Variants in PCDH11X observed in about 807,000 individuals in gnomAD.
PCDH11X encodes protocadherin-11 X-linked.
A neutral mutation model predicts 53.3 loss-of-function variants in PCDH11X; 18 were observed. The ratio of observed to expected loss-of-function variants is 0.34; its 90% CI spans 0.23 to 0.50. The LOEUF is 0.50. Among genes scored for constraint, PCDH11X ranks in the 20% least tolerant of loss-of-function variants. The pLI, the probability that PCDH11X is intolerant of heterozygous loss-of-function variation, is 0.98. For missense variants in PCDH11X, 570 were observed against 1,032.4 expected (o/e 0.55, Z 6.14); for synonymous variants, 279 against 393.3 (o/e 0.71, Z 3.44).
intron 9 of PCDH11X, among the ~76,000 whole-genome samples, chrX:92,395,927 T>C: frequency 9.6e-6 from 1 of 104,336 alleles, no homozygotes; most frequent in Non-Finnish European, 1.9e-5. Context: ...AGAACTTTTT[T>C]ATATGTGATG....
At chrX:91,816,275 C>T (rs1602276161) in intron 4 of PCDH11X, among the ~76,000 whole-genome samples, 1 of 110,983 alleles carries the variant, frequency 9.0e-6, no homozygotes, top group Non-Finnish European at 1.9e-5. Flanking sequence ...TTGTTTATTC[C>T]GTTCAAATAG....
chrX:92,359,223 T>A (rs1340852185), intron 8 of PCDH11X, among the ~76,000 whole-genome samples: 1 of 107,660 alleles, frequency 9.3e-6, no homozygotes, highest in African/African-American at 3.4e-5. Context: ...TGTGCAGAAG[T>A]GATTGGCTAT....
At chrX:92,467,258 CTT>C (rs2073173989) in intron 9 of PCDH11X, among the ~76,000 whole-genome samples, 1 of 111,428 alleles carries the variant, frequency 9.0e-6, no homozygotes, top group African/African-American at 3.2e-5. Flanking sequence ...GTACAATGCT[CTT>C]TTATTGATCC....
intron 6 of PCDH11X, among the ~76,000 whole-genome samples, chrX:91,967,274 C>T (rs765359380): frequency 9.1e-6 from 1 of 110,104 alleles, no homozygotes; most frequent in African/African-American, 3.3e-5. Flanking sequence ...GTCCCCAAAC[C>T]GTGGGCCATG....
intron 7 of PCDH11X, among the ~76,000 whole-genome samples, chrX:92,215,281 G>A (rs1015300165): frequency 1.8e-5 from 2 of 108,969 alleles, no homozygotes; most frequent in African/African-American, 6.7e-5. Context: ...AAGGGGTCAG[G>A]GAGTTCCCTT....
intron 10 of PCDH11X, among the ~76,000 whole-genome samples, chrX:92,579,434 T>G (rs1374058042): frequency 9.2e-6 from 1 of 108,467 alleles, no homozygotes; most frequent in African/African-American, 3.4e-5. Context: ...CTCAGAGGTT[T>G]TATTCATTCC....
At chrX:91,912,165 G>T (rs1264962353) in intron 6 of PCDH11X, among the ~76,000 whole-genome samples, 1 of 111,459 alleles carries the variant, frequency 9.0e-6, no homozygotes, top group Non-Finnish European at 1.9e-5. Context: ...CAGTTCAAAT[G>T]GTTTTTTTGC....
intron 6 of PCDH11X, among the ~76,000 whole-genome samples, chrX:91,946,558 C>CATATAT (rs766671132): frequency 1.2e-3 from 38 of 31,602 alleles, no homozygotes; most frequent in South Asian, 2.0e-3. Context: ...CTGTTTCCCT[C>CATATAT]ATATATATAT....
At position 92,157,476 on chromosome X, in the gene PCDH11X, A is replaced by G. The variant is rs752800853; in HGVS notation, c.3034-43899A>G. On this transcript the variant is annotated intron_variant, in intron 6 of 10. Transcript: ENST00000682573. The stretch of plus-strand genomic sequence containing the variant: ...TGGCAAAAGGATAGAACGATTAGTC[A>G]ATAAACCAAATAAAAATGACAGAGT... 2.7e-5 allele frequency among the ~76,000 whole-genome samples: 3 copies of G among 112,144 alleles called. No homozygotes were observed. In the South Asian group the frequency reaches 1.1e-3, roughly 41 times the overall value.
chrX:92,422,120 G>A (rs12844289), intron 9 of PCDH11X, among the ~76,000 whole-genome samples: 5 of 97,687 alleles, frequency 5.1e-5, no homozygotes, highest in East Asian at 3.4e-4. Flanking sequence ...AAATGAACCC[G>A]TAGAATTTCT....
chrX:92,482,595 T>A (rs916994791), intron 10 of PCDH11X, among the ~76,000 whole-genome samples: 3 of 112,063 alleles, frequency 2.7e-5, no homozygotes, highest in Non-Finnish European at 5.6e-5. Context: ...TTACCTTTAA[T>A]TAAGCTAACC....
At chrX:91,843,489 T>A (rs1403855379) in intron 5 of PCDH11X, among the ~76,000 whole-genome samples, 1 of 108,239 alleles carries the variant, frequency 9.2e-6, no homozygotes, top group Non-Finnish European at 1.9e-5. Context: ...TTGTTGTTGT[T>A]ATTGTATTTT....
intron 8 of PCDH11X, among the ~76,000 whole-genome samples, chrX:92,272,247 TC>T (rs2067976638): frequency 8.9e-6 from 1 of 112,036 alleles, no homozygotes; most frequent in Non-Finnish European, 1.9e-5. Flanking sequence ...GAAAAAGGAC[TC>T]TGATTTATAA....
At chrX:92,136,204 G>T (rs1007307745) in intron 6 of PCDH11X, among the ~76,000 whole-genome samples, 1 of 110,766 alleles carries the variant, frequency 9.0e-6, no homozygotes, top group Admixed American at 9.8e-5. Context: ...GCAAAGATTT[G>T]AAAGACTTGA....
intron 7 of PCDH11X, among the ~76,000 whole-genome samples, chrX:92,247,143 T>C (rs946802394): frequency 2.7e-5 from 3 of 111,991 alleles, no homozygotes; most frequent in African/African-American, 9.7e-5. Context: ...CCTTATCGCA[T>C]TCATTTTCTA....
intron 8 of PCDH11X, among the ~76,000 whole-genome samples, chrX:92,318,343 G>C (rs2069125409): frequency 9.0e-6 from 1 of 111,626 alleles, no homozygotes; most frequent in Non-Finnish European, 1.9e-5. Context: ...GTGTCAACCA[G>C]AAAAGTCTTG....
chrX:92,336,818 GT>G (rs901899556), intron 8 of PCDH11X, among the ~76,000 whole-genome samples: 9 of 109,813 alleles, frequency 8.2e-5, no homozygotes, highest in Non-Finnish European at 1.3e-4. Flanking sequence ...GTAACATAAG[GT>G]TTTTTTTTAA....
chrX:91,876,668 G>T, intron 5 of PCDH11X, 113 bp from the exon 6 acceptor site: 4 of 826,426 alleles, frequency 4.8e-6, no homozygotes, highest in Non-Finnish European at 6.1e-6. Flanking sequence ...ACTGAAAATT[G>T]TTCTCATTAG....
chrX:92,291,027 G>A (rs2068481841), intron 8 of PCDH11X, among the ~76,000 whole-genome samples: 1 of 85,540 alleles, frequency 1.2e-5, no homozygotes, highest in Admixed American at 1.4e-4. Context: ...TCAGACTCCC[G>A]AGTAGCTGGG....
Sources: gnomAD v4.1 joint callset for allele counts (sites outside exome capture counted in the v4.1 genomes callset) on GRCh38, gnomAD v4.1.1 for gene constraint, MANE v1.5 for transcripts, NCBI Gene and HGNC (gene_info 2026-07-23, HGNC 2026-07-21) for gene names.